The following FOXP1 variants were observed in gnomAD, a reference collection of about 807,000 sequenced individuals.
The protein encoded by FOXP1 is forkhead box P1, also known as forkhead box protein P1.
FOXP1 carries 15 observed loss-of-function variants against 98.2 expected under a neutral mutation model. The ratio of observed to expected loss-of-function variants is 0.15; its 90% CI spans 0.10 to 0.24. FOXP1 has a LOEUF of 0.24. FOXP1 is among the 10% of genes least tolerant of loss of function. FOXP1 has a pLI of 1.00. For synonymous variants in FOXP1, 371 were observed against 314.5 expected (o/e 1.18, Z -1.90); for missense variants, 633 against 848.5 (o/e 0.75, Z 3.15).
At chr3:70,964,683 T>TA (rs1263406933) in intron 20 of FOXP1, among the ~76,000 whole-genome samples, 1 of 152,198 alleles carries the variant, frequency 6.6e-6, no homozygotes, top group African/African-American at 2.4e-5. Context: ...GTGTGAAAGA[T>TA]AAACACACTC....
intron 12 of FOXP1, among the ~76,000 whole-genome samples, chr3:71,011,205 A>T (rs930708340): frequency 6.6e-5 from 10 of 152,066 alleles, no homozygotes; most frequent in African/African-American, 2.4e-4. Context: ...CTACTTTACA[A>T]TATTCATTTT....
chr3:71,312,374 T>C (rs1374813689), intron 4 of FOXP1, among the ~76,000 whole-genome samples: 1 of 150,932 alleles, frequency 6.6e-6, no homozygotes, highest in Admixed American at 6.6e-5. Flanking sequence ...TTAAGCTAAG[T>C]ATAAGTTTCT....
intron 2 of FOXP1, among the ~76,000 whole-genome samples, chr3:71,579,839 A>AT (rs2048018618): frequency 6.6e-6 from 1 of 151,866 alleles, no homozygotes. Context: ...CCTTTAATAC[A>AT]TTTTTGGGTA....
At chr3:71,322,999 C>G (rs1165866579) in intron 4 of FOXP1, among the ~76,000 whole-genome samples, 1 of 147,620 alleles carries the variant, frequency 6.8e-6, no homozygotes, top group African/African-American at 2.5e-5. Flanking sequence ...GAGATGGAGT[C>G]TTGCTCTGTT....
chr3:71,581,110 C>A (rs2048126633), intron 2 of FOXP1: 6 of 972,210 alleles, frequency 6.2e-6, no homozygotes, highest in South Asian at 9.5e-5. Context: ...CATTTTGGGT[C>A]TTCTGGTAGA....
Position 71,112,565 on chromosome 3 carries a change from T to C in FOXP1, c.253A>G (p.Lys85Glu), listed in dbSNP as rs536905553. The change falls in exon 7 of 21, where the codon AAG (lysine) becomes GAG (glutamate). Residue 85 changes from lysine (K) to glutamate (E), a missense_variant. This residue lies in a region of FOXP1 where 210 missense variants were observed against 270.6 expected (regional missense o/e 0.78). Transcript: ENST00000649528. ...AGAGCTGGTTGTTTGTCATTCCTCT[T>C]GGGAGATTTTAATCCACTAACTTGC... Reference protein sequence around the residue: ...QQQVSGLKSPKRNDKQPALQV... With the variant: ...QQQVSGLKSPERNDKQPALQV... 5 of 1,614,018 alleles carry C rather than the reference T, an allele frequency of 3.1e-6. No individual in the cohort carries two copies. The South Asian group carries it at 5.5e-5, about 18-fold the overall frequency.
At chr3:71,206,960 C>A (rs554982309) in intron 5 of FOXP1, among the ~76,000 whole-genome samples, 2 of 152,280 alleles carry the variant, frequency 1.3e-5, no homozygotes, top group African/African-American at 4.8e-5. Flanking sequence ...CACTCCCTCG[C>A]ATATTAATCC....
At chr3:71,213,042 A>C (rs1256857812) in intron 5 of FOXP1, among the ~76,000 whole-genome samples, 1 of 152,102 alleles carries the variant, frequency 6.6e-6, no homozygotes, top group Non-Finnish European at 1.5e-5. Flanking sequence ...GTAAACTTTA[A>C]TCACTACCTT....
chr3:71,305,048 G>C (rs928829292), intron 4 of FOXP1, among the ~76,000 whole-genome samples: 3 of 152,032 alleles, frequency 2.0e-5, no homozygotes, highest in African/African-American at 7.2e-5. Flanking sequence ...CCCTCAAAAA[G>C]AAAGCAGAAT....
chr3:71,194,011 C>A (rs1467459707), intron 6 of FOXP1, among the ~76,000 whole-genome samples: 1 of 152,196 alleles, frequency 6.6e-6, no homozygotes, highest in South Asian at 2.1e-4. Flanking sequence ...TCACTGTCTT[C>A]TGGGCCACAA....
At chr3:71,232,119 T>A (rs2066339677) in intron 5 of FOXP1, among the ~76,000 whole-genome samples, 1 of 152,250 alleles carries the variant, frequency 6.6e-6, no homozygotes, top group South Asian at 2.1e-4. Flanking sequence ...TGGAAGGGGC[T>A]AGGTGGCTTA....
intron 4 of FOXP1, among the ~76,000 whole-genome samples, chr3:71,330,870 G>A (rs909934484): frequency 1.3e-5 from 2 of 152,226 alleles, no homozygotes; most frequent in African/African-American, 4.8e-5. Flanking sequence ...AGAGCAACTA[G>A]AGAGCAAAAC....
intron 3 of FOXP1, among the ~76,000 whole-genome samples, chr3:71,463,790 C>G (rs2088409571): frequency 1.3e-5 from 2 of 152,116 alleles, no homozygotes; most frequent in African/African-American, 2.4e-5. Flanking sequence ...TCTGGCTACT[C>G]TTGGTTCTTG....
intron 3 of FOXP1, among the ~76,000 whole-genome samples, chr3:71,370,504 T>G (rs1232309178): frequency 6.6e-6 from 1 of 152,196 alleles, no homozygotes; most frequent in Non-Finnish European, 1.5e-5. Context: ...AGGTTAGTTT[T>G]GTTTATTCTT....
At chr3:71,269,097 TG>T (rs1193436433) in intron 5 of FOXP1, among the ~76,000 whole-genome samples, 4 of 140,776 alleles carry the variant, frequency 2.8e-5, no homozygotes, top group Admixed American at 7.1e-5. Context: ...GGGTTTTTTT[TG>T]TTTTTTTTTT....
At chr3:71,470,992 T>C (rs1237478020) in intron 3 of FOXP1, among the ~76,000 whole-genome samples, 1 of 152,190 alleles carries the variant, frequency 6.6e-6, no homozygotes. Flanking sequence ...ACCTAAAGAC[T>C]TGTGGCAAGG....
intron 2 of FOXP1, among the ~76,000 whole-genome samples, chr3:71,523,105 T>C (rs115167065): frequency 8.9e-4 from 136 of 152,180 alleles, no homozygotes; most frequent in African/African-American, 3.1e-3. Context: ...AATTGGGACA[T>C]AGACAAACAC....
chr3:71,494,531 G>A (rs866464493), intron 2 of FOXP1, among the ~76,000 whole-genome samples: 25 of 152,106 alleles, frequency 1.6e-4, no homozygotes, highest in Non-Finnish European at 2.1e-4. Flanking sequence ...CCAGCATCCC[G>A]GCGGCTGGCA....
At chr3:71,256,436 T>C (rs1032286388) in intron 5 of FOXP1, among the ~76,000 whole-genome samples, 4 of 152,178 alleles carry the variant, frequency 2.6e-5, no homozygotes, top group Non-Finnish European at 5.9e-5. Flanking sequence ...CAGGCTGGAG[T>C]GCAGTGGTGC....
Sources: allele counts gnomAD v4.1 joint callset (sites outside exome capture counted in the v4.1 genomes callset), GRCh38; gene constraint gnomAD v4.1.1; regional missense constraint gnomAD v4.1.1; transcripts MANE v1.5; gene names NCBI Gene and HGNC (gene_info 2026-07-23, HGNC 2026-07-21).